DPY19L2: variants seen among roughly 807,000 people sequenced by gnomAD.
DPY19L2 encodes the protein probable C-mannosyltransferase DPY19L2.
A neutral mutation model predicts 97.9 loss-of-function variants in DPY19L2; 34 were observed. That is an observed-to-expected ratio of 0.35 (90% CI 0.26 to 0.46). The LOEUF is 0.46. Ranked by LOEUF, DPY19L2 falls within the 20% of genes least tolerant of loss-of-function variation. DPY19L2 has a pLI of 1.00. For missense variants in DPY19L2, 623 were observed against 911.4 expected (o/e 0.68, Z 4.07); for synonymous variants, 230 against 307.9 (o/e 0.75, Z 2.65).
intron 19 of DPY19L2, among the ~76,000 whole-genome samples, chr12:63,576,907 G>T (rs1336091829): frequency 6.6e-6 from 1 of 151,954 alleles, no homozygotes; most frequent in African/African-American, 2.4e-5. Flanking sequence ...AACTACTAAT[G>T]ATATTCCTCA....
At chr12:63,634,403 C>G (rs962324154) in intron 6 of DPY19L2, among the ~76,000 whole-genome samples, 9 of 152,114 alleles carry the variant, frequency 5.9e-5, no homozygotes, top group African/African-American at 2.2e-4. Flanking sequence ...CGGGTGATTT[C>G]TGCATTTCCA....
At chr12:63,668,718 C>G (rs1051014651), upstream of DPY19L2, 2 of 338,464 alleles carry the variant, frequency 5.9e-6, no homozygotes, top group Non-Finnish European at 1.1e-5. Context: ...CTGCAGCCTC[C>G]GGTGCGCGCA....
chr12:63,631,559 G>A (rs568085085), intron 6 of DPY19L2, among the ~76,000 whole-genome samples: 1 of 152,222 alleles, frequency 6.6e-6, no homozygotes, highest in East Asian at 1.9e-4. Flanking sequence ...CTCTGAAATT[G>A]AGGCAATAAT....
intron 2 of DPY19L2, among the ~76,000 whole-genome samples, chr12:63,664,756 T>C (rs1276746170): frequency 6.6e-6 from 1 of 152,168 alleles, no homozygotes; most frequent in East Asian, 1.9e-4. Context: ...GACTTTCCAG[T>C]GAAGTTGAAA....
chr12:63,641,903 A>G (rs1892754671), intron 6 of DPY19L2, among the ~76,000 whole-genome samples: 1 of 152,180 alleles, frequency 6.6e-6, no homozygotes, highest in Admixed American at 6.5e-5. Context: ...TAGTTGTACC[A>G]ATTTATATGT....
chr12:63,659,895 A>T (rs2138287878), intron 4 of DPY19L2, among the ~76,000 whole-genome samples: 1 of 152,296 alleles, frequency 6.6e-6, no homozygotes, highest in South Asian at 2.1e-4. Flanking sequence ...GGTGACAAAG[A>T]TTTATATATG....
intron 4 of DPY19L2, among the ~76,000 whole-genome samples, chr12:63,654,555 A>T (rs1894709492): frequency 1.3e-5 from 2 of 152,276 alleles, no homozygotes; most frequent in South Asian, 4.1e-4. Flanking sequence ...AATGGGATTT[A>T]AAAATATTAT....
At chr12:63,637,701 T>C (rs984954541) in intron 6 of DPY19L2, among the ~76,000 whole-genome samples, 2 of 152,076 alleles carry the variant, frequency 1.3e-5, no homozygotes, top group African/African-American at 2.4e-5. Flanking sequence ...GGCTCTGAAA[T>C]TGAGGCAATA....
At position 63,594,208 on chromosome 12, in the gene DPY19L2, T is replaced by C. The variant is rs545262351; in HGVS notation, c.1534-75A>G. On this transcript the variant is annotated intron_variant, in intron 15 of 21. Coordinates refer to ENST00000324472, the MANE Select transcript of DPY19L2 (RefSeq NM_173812.5). ...TTTAAAATGCTCTGATTCATTAATA[T>C]AAACACTCTGCCAAGGAAAGAAGTA... 2.4e-4 allele frequency: 267 copies of C among 1,110,208 alleles called. No homozygotes were observed. In the African/African-American group the frequency reaches 4.0e-3, roughly 16 times the overall value. The allele number at this position is 1,110,208 out of a possible 1,614,324, so 68.8% of individuals were successfully genotyped here.
rs1318028715 is a variant in DPY19L2, at chr12:63,560,490, A to C, written c.*22T>G. 6 of 1,608,930 alleles carry C rather than the reference A, an allele frequency of 3.7e-6. No individual in the cohort carries two copies. Among genetic ancestry groups the C allele is most frequent in the Admixed American group, 1.7e-5 (1 of 59,446 alleles). On this transcript the variant is annotated 3_prime_UTR_variant, in exon 22 of 22. Transcript: ENST00000324472. The stretch of plus-strand genomic sequence containing the variant: ...TTTTTGACACACGGCATTGTGCCAT[A>C]GTAAAATGGGTAGTATCCTTCTCAG...
chr12:63,626,380 A>C, intron 7 of DPY19L2, 89 bp downstream of exon 7: 1 of 1,362,006 alleles, frequency 7.3e-7, no homozygotes, highest in Non-Finnish European at 9.9e-7. Flanking sequence ...CATAAGTAGT[A>C]TACAATTAAA....
chr12:63,663,304 T>C (rs751471702), intron 3 of DPY19L2, among the ~76,000 whole-genome samples: 6 of 148,968 alleles, frequency 4.0e-5, no homozygotes, highest in Middle Eastern at 3.4e-3. Context: ...AGATTAAGTA[T>C]TGAAAAACAG....
At chr12:63,646,195 C>T (rs4044865) in intron 5 of DPY19L2, among the ~76,000 whole-genome samples, 37,826 of 152,028 alleles carry the variant, frequency 0.25, 5,150 homozygotes, top group East Asian at 0.45. Context: ...TAAGGCCCCA[C>T]GTCTAGCTGG....
Position 63,636,544 on chromosome 12 carries a change from G to C in DPY19L2, c.803+7859C>G, listed in dbSNP as rs540458951. On this transcript the variant is annotated intron_variant, in intron 6 of 21. Transcript: ENST00000324472. ...ATTCGGGAAACCCATCTCATGTGCA[G>C]AGACACACATAGGCTCAAAAAAAAG... Among the ~76,000 whole-genome samples, 3 of 152,172 alleles carry C rather than the reference G, an allele frequency of 2.0e-5. No homozygotes were observed. In the South Asian group the frequency reaches 6.2e-4, roughly 32 times the overall value.
At chr12:63,576,141 A>C (rs1227012509) in intron 19 of DPY19L2, among the ~76,000 whole-genome samples, 1 of 152,022 alleles carries the variant, frequency 6.6e-6, no homozygotes, top group African/African-American at 2.4e-5. Flanking sequence ...AGTTCAACGT[A>C]GCAAATCAAT....
chr12:63,622,088 C>T (rs1888783731), intron 8 of DPY19L2, among the ~76,000 whole-genome samples: 1 of 152,170 alleles, frequency 6.6e-6, no homozygotes, highest in African/African-American at 2.4e-5. Context: ...ATATTGTTTA[C>T]TAATATTATC....
In DPY19L2 at chr12:63,626,517, T is replaced by G; in HGVS notation, c.813A>C (p.Gln271His). The change falls in exon 7 of 22, where the codon CAA (glutamine) becomes CAC (histidine). Residue 271 changes from glutamine (Q) to histidine (H), a missense_variant. Gln to His is a conservative substitution (Grantham distance 24, BLOSUM62 0). Transcript: ENST00000324472. ...FMYGAYLSGTQLGGLITVLCF... is the reference protein window; with the variant it reads ...FMYGAYLSGTHLGGLITVLCF... ...ACAGTACTGTAATAAGACCTCCCAGTTGAGTCCCACTGTAAAAAAAAAACA... is the reference window on the plus strand; with the variant it reads ...ACAGTACTGTAATAAGACCTCCCAGGTGAGTCCCACTGTAAAAAAAAAACA... 1 of 1,567,110 alleles carries G rather than the reference T, an allele frequency of 6.4e-7. No homozygotes were observed. Among genetic ancestry groups the G allele is most frequent in the East Asian group, 2.3e-5 (1 of 43,908 alleles).
chr12:63,635,816 A>G lies in DPY19L2; in HGVS notation c.803+8587T>C, dbSNP rs149757083. Among the ~76,000 whole-genome samples, 690 of 152,320 alleles carry G rather than the reference A, an allele frequency of 4.5e-3. 6 individuals are homozygous for G. Among genetic ancestry groups the G allele is most frequent in the African/African-American group, 0.015 (642 of 41,582 alleles). ...TCTACGGCTGATCGGTGTACCTGAA[A>G]GTGACAGGGAGAATGGAACCACATT... On this transcript the variant is annotated intron_variant, in intron 6 of 21. Coordinates refer to ENST00000324472, the MANE Select transcript of DPY19L2 (RefSeq NM_173812.5).
chr12:63,569,833 A>G (rs1878465927), intron 20 of DPY19L2, among the ~76,000 whole-genome samples: 1 of 152,296 alleles, frequency 6.6e-6, no homozygotes, highest in Middle Eastern at 3.4e-3. Flanking sequence ...CCTTCGCAGA[A>G]TCTTGAGAAA....
Sources: gnomAD v4.1 joint callset for allele counts (sites outside exome capture counted in the v4.1 genomes callset) on GRCh38, gnomAD v4.1.1 for gene constraint, MANE v1.5 for transcripts, NCBI Gene and HGNC (gene_info 2026-07-23, HGNC 2026-07-21) for gene names.